DIAPH3: variants seen among roughly 807,000 people sequenced by gnomAD.
DIAPH3 encodes the protein protein diaphanous homolog 3.
Under a neutral mutation model 144.3 loss-of-function variants are expected in DIAPH3, and 117 were observed. That is an observed-to-expected ratio of 0.81 (90% CI 0.70 to 0.95). The LOEUF is 0.95. Among genes scored for constraint, DIAPH3 ranks in the 40% least tolerant of loss-of-function variants. The pLI, the probability that DIAPH3 is intolerant of heterozygous loss-of-function variation, is 0.00. For synonymous variants in DIAPH3, 519 were observed against 488.9 expected (o/e 1.06, Z -0.81); for missense variants, 1,421 against 1,412.7 (o/e 1.01, Z -0.09).
chr13:60,153,207 G>T (rs1035108785), intron 1 of DIAPH3, among the ~76,000 whole-genome samples: 1 of 151,922 alleles, frequency 6.6e-6, no homozygotes, highest in African/African-American at 2.4e-5. Context: ...GTTCCAAATG[G>T]CTATTTATAA....
intron 2 of DIAPH3, among the ~76,000 whole-genome samples, chr13:60,112,642 T>C (rs1445791584): frequency 1.3e-5 from 2 of 152,174 alleles, no homozygotes; most frequent in Non-Finnish European, 2.9e-5. Flanking sequence ...GAACATGATT[T>C]AGGAATTTTT....
At position 59,957,511 on chromosome 13, in the gene DIAPH3, T is replaced by C. The variant is rs534724775; in HGVS notation, c.2074+12433A>G. 3.3e-5 allele frequency among the ~76,000 whole-genome samples: 5 copies of C among 152,296 alleles called. No homozygotes were observed. In the East Asian group the frequency reaches 7.7e-4, roughly 24 times the overall value. Reference sequence around the variant, plus strand: ...TGGAACTCTGAGGCCATTAAACCTCTTTTTCTTTATAAATACCCAGTCTCA... The same window carrying C: ...TGGAACTCTGAGGCCATTAAACCTCCTTTTCTTTATAAATACCCAGTCTCA... On this transcript the variant is annotated intron_variant, in intron 17 of 27. Transcript: ENST00000400324.
chr13:59,942,277 C>T (rs547052875), intron 17 of DIAPH3, among the ~76,000 whole-genome samples: 39 of 152,198 alleles, frequency 2.6e-4, no homozygotes, highest in African/African-American at 9.4e-4. Context: ...ATATACTTGA[C>T]AAAAATTTCT....
chr13:60,138,010 C>T (rs984285258), intron 1 of DIAPH3, among the ~76,000 whole-genome samples: 1 of 152,114 alleles, frequency 6.6e-6, no homozygotes, highest in African/African-American at 2.4e-5. Flanking sequence ...AGGAGTGAGC[C>T]ACCACGCCTG....
intron 21 of DIAPH3, among the ~76,000 whole-genome samples, chr13:59,877,367 T>C (rs1441258825): frequency 1.3e-5 from 2 of 152,030 alleles, no homozygotes; most frequent in Non-Finnish European, 2.9e-5. Context: ...CTCTCTTAGG[T>C]CTCACACTAC....
Position 60,042,692 on chromosome 13 carries a change from C to A in DIAPH3, c.624G>T (p.Val208=). ...TGGTGTTCAAATAGATGAATTACCT[C>A]ACAGGATTGCTGGTCAAAGACACTC... The part of the protein sequence containing the change: ...SLRVSLTSNP[V]SWVESFGHEG... The change falls in exon 5 of 28, where the codon GTG becomes GTT. Residue 208 remains valine, a splice_region_variant and synonymous_variant. Coordinates refer to ENST00000400324, the MANE Select transcript of DIAPH3 (RefSeq NM_001042517.2). The A allele has an allele frequency of 6.2e-7, 1 of 1,613,534 alleles. No individual in the cohort carries two copies. Among genetic ancestry groups the A allele is most frequent in the South Asian group, 1.1e-5 (1 of 91,050 alleles).
At chr13:59,719,752 G>A (rs1272777962) in intron 27 of DIAPH3, among the ~76,000 whole-genome samples, 52 of 152,168 alleles carry the variant, frequency 3.4e-4, no homozygotes, top group East Asian at 1.9e-4. Context: ...GCACTCTAGC[G>A]GTGAAATTGG....
chr13:59,814,329 C>T (rs1353779423), intron 24 of DIAPH3, among the ~76,000 whole-genome samples: 2 of 152,086 alleles, frequency 1.3e-5, no homozygotes, highest in African/African-American at 4.8e-5. Flanking sequence ...AGTTCTTAAA[C>T]CTATTTTGTT....
At chr13:60,160,322 G>A (rs998299490) in intron 1 of DIAPH3, among the ~76,000 whole-genome samples, 6 of 152,190 alleles carry the variant, frequency 3.9e-5, no homozygotes, top group Non-Finnish European at 8.8e-5. Context: ...TGATGGAAAC[G>A]ATTAGACGAT....
intron 1 of DIAPH3, among the ~76,000 whole-genome samples, chr13:60,133,607 G>A (rs2059196564): frequency 6.6e-6 from 1 of 152,120 alleles, no homozygotes; most frequent in African/African-American, 2.4e-5. Context: ...TTCATTGCTA[G>A]CTTCAAGGAC....
rs549308269 is a variant in DIAPH3 at position 59,798,501 on chromosome 13, T to C, written c.3163+12287A>G. Among the ~76,000 whole-genome samples, 192 of 152,342 alleles carry C rather than the reference T, an allele frequency of 1.3e-3. 2 individuals carry two copies. Among genetic ancestry groups the C allele is most frequent in the Non-Finnish European group, 2.3e-3 (154 of 68,026 alleles). The stretch of plus-strand genomic sequence containing the variant: ...TCTGTATCTGAATTTACTTAGCCCA[T>C]TGGATGCCCAGGCACAGAAACTCTG... On this transcript the variant is annotated intron_variant, in intron 25 of 27. Transcript: ENST00000400324.
At chr13:59,791,587 C>T (rs2039327303) in intron 25 of DIAPH3, among the ~76,000 whole-genome samples, 1 of 152,060 alleles carries the variant, frequency 6.6e-6, no homozygotes, top group Admixed American at 6.6e-5. Context: ...CCACTATAGA[C>T]TTTTATTGAG....
chr13:60,010,598 G>A lies in DIAPH3; in HGVS notation c.843C>T (p.His281=). The A allele has an allele frequency of 6.2e-7, 1 of 1,613,582 alleles. No individual in the cohort carries two copies. Among genetic ancestry groups the A allele is most frequent in the South Asian group, 1.1e-5 (1 of 90,980 alleles). ...TAACCACATCTGTCATCATATTGGG[G>A]TGTCTGGGATCCACGGCTTTGGCCA... The part of the protein sequence containing the change: ...SLLAKAVDPR[H]PNMMTDVVKL... The change falls in exon 8 of 28, where the codon CAC becomes CAT. Residue 281 remains histidine (H), a synonymous_variant. Transcript: ENST00000400324.
chr13:59,847,142 T>A (rs1188876822), intron 22 of DIAPH3, among the ~76,000 whole-genome samples: 2 of 152,236 alleles, frequency 1.3e-5, no homozygotes, highest in African/African-American at 4.8e-5. Context: ...CAAGTAGTTG[T>A]ACCTTCCTTG....
chr13:59,722,846 T>C (rs2035411567), intron 27 of DIAPH3, among the ~76,000 whole-genome samples: 1 of 152,180 alleles, frequency 6.6e-6, no homozygotes, highest in Non-Finnish European at 1.5e-5. Flanking sequence ...GCTTCACATG[T>C]AGCTCATCAA....
chr13:59,820,724 T>A (rs1191234660), intron 24 of DIAPH3, among the ~76,000 whole-genome samples: 1 of 150,762 alleles, frequency 6.6e-6, no homozygotes, highest in Non-Finnish European at 1.5e-5. Flanking sequence ...AAAATAAAAT[T>A]TTAATAAAAC....
intron 23 of DIAPH3, among the ~76,000 whole-genome samples, chr13:59,833,830 G>A (rs2041907485): frequency 6.6e-6 from 1 of 151,602 alleles, no homozygotes; most frequent in South Asian, 2.1e-4. Context: ...GCTAACACAT[G>A]CAAAGTTCTC....
intron 20 of DIAPH3, among the ~76,000 whole-genome samples, chr13:59,900,986 A>T (rs1261538370): frequency 1.3e-5 from 2 of 152,202 alleles, no homozygotes; most frequent in Non-Finnish European, 2.9e-5. Context: ...ACTATTTTCA[A>T]AATCATCCAG....
chr13:59,912,772 G>A (rs1304371823), intron 19 of DIAPH3, among the ~76,000 whole-genome samples: 1 of 152,110 alleles, frequency 6.6e-6, no homozygotes, highest in East Asian at 1.9e-4. Flanking sequence ...CCTAGATCAT[G>A]CTATATATAT....
Sources: allele counts gnomAD v4.1 joint callset (sites outside exome capture counted in the v4.1 genomes callset), GRCh38; gene constraint gnomAD v4.1.1; transcripts MANE v1.5; gene names NCBI Gene and HGNC (gene_info 2026-07-23, HGNC 2026-07-21).